The following CNTN5 variants were observed in gnomAD, a reference collection of about 807,000 sequenced individuals.
The protein encoded by CNTN5 is contactin-5.
In CNTN5, 77 loss-of-function variants were observed where a neutral mutation model predicts 129.1. That is an observed-to-expected ratio of 0.60 (90% CI 0.50 to 0.72). CNTN5 has a LOEUF of 0.72. CNTN5 is among the 30% of genes least tolerant of loss of function. The pLI is 0.00. For missense variants in CNTN5, 1,478 were observed against 1,328.8 expected (o/e 1.11, Z -1.75); for synonymous variants, 509 against 465.6 (o/e 1.09, Z -1.20).
At chr11:99,377,089 C>T (rs143251586) in intron 2 of CNTN5, among the ~76,000 whole-genome samples, 53 of 151,978 alleles carry the variant, frequency 3.5e-4, no homozygotes, top group African/African-American at 1.2e-3. Flanking sequence ...TGTCAGGAAG[C>T]GGGTCAATTA....
Position 99,392,979 on chromosome 11 carries a change from G to C in CNTN5, c.-71+67495G>C, listed in dbSNP as rs370149027. On this transcript the variant is annotated intron_variant, in intron 2 of 24. Transcript: ENST00000524871. ...ATAGCATGTGGAAATAATGGTATAAGGATGAGTAAGATTGTCTATTGGAGA... is the reference window on the plus strand; with the variant it reads ...ATAGCATGTGGAAATAATGGTATAACGATGAGTAAGATTGTCTATTGGAGA... Among the ~76,000 whole-genome samples, 7 of 151,888 alleles carry C rather than the reference G, an allele frequency of 4.6e-5. No individual in the cohort carries two copies. The East Asian group carries it at 1.2e-3, about 25-fold the overall frequency.
In CNTN5 at chr11:99,936,847, T is replaced by A. The variant is rs1950326666; in HGVS notation, c.674-19959T>A. 2.0e-5 allele frequency among the ~76,000 whole-genome samples: 3 copies of A among 152,120 alleles called. No homozygotes were observed. In the South Asian group the frequency reaches 6.2e-4, roughly 32 times the overall value. ...TAACAACAGGCAAGGCAGGGATATG[T>A]TATAAGAGTTAAATGTAAGGTTCCT... On this transcript the variant is annotated intron_variant, in intron 7 of 24. Coordinates refer to ENST00000524871, the MANE Select transcript of CNTN5 (RefSeq NM_014361.4).
intron 8 of CNTN5, among the ~76,000 whole-genome samples, chr11:99,968,088 C>A (rs1472677119): frequency 3.3e-5 from 5 of 152,212 alleles, no homozygotes; most frequent in African/African-American, 1.2e-4. Context: ...TGTACACAAC[C>A]AGGCTTCTCA....
Position 99,406,399 on chromosome 11 carries a change from G to GTCTCTCTCCCTC in CNTN5, c.-71+80923_-71+80924insCCTCTCTCTCTC, listed in dbSNP as rs142661903. Among the ~76,000 whole-genome samples the GTCTCTCTCCCTC allele has an allele frequency of 6.0e-5, 9 of 150,150 alleles. No homozygotes were observed. In the East Asian group the frequency reaches 1.4e-3, roughly 23 times the overall value. ...TTTCCCATACTTTGTCCCAAACAGA[G>GTCTCTCTCCCTC]TCTCTCTCTCTCTCTCTCTGTTCTG... On this transcript the variant is annotated intron_variant, in intron 2 of 24. Coordinates refer to ENST00000524871, the MANE Select transcript of CNTN5 (RefSeq NM_014361.4).
chr11:100,291,479 A>G (rs1195824730), intron 18 of CNTN5, among the ~76,000 whole-genome samples: 4 of 144,966 alleles, frequency 2.8e-5, no homozygotes, highest in African/African-American at 1.0e-4. Flanking sequence ...GAAATTGGAA[A>G]TCATCATTCT....
chr11:100,289,811 A>ATT (rs1365719951), intron 18 of CNTN5, among the ~76,000 whole-genome samples: 33 of 150,572 alleles, frequency 2.2e-4, no homozygotes, highest in Admixed American at 6.6e-4. Flanking sequence ...GAAAAGAGGA[A>ATT]GTCAAATTGT....
intron 2 of CNTN5, among the ~76,000 whole-genome samples, chr11:99,430,390 TAC>T (rs1366588349): frequency 2.0e-5 from 2 of 97,750 alleles, no homozygotes; most frequent in Non-Finnish European, 4.9e-5. Context: ...TGTGTGTATA[TAC>T]ATATACATAT....
chr11:99,982,417 G>T (rs1281328354), intron 8 of CNTN5, among the ~76,000 whole-genome samples: 1 of 152,082 alleles, frequency 6.6e-6, no homozygotes, highest in African/African-American at 2.4e-5. Context: ...AAGACAGCTG[G>T]CAGGAGGCTG....
At position 99,750,230 on chromosome 11, in the gene CNTN5, A is replaced by G. The variant is rs191152340; in HGVS notation, c.56-69314A>G. On this transcript the variant is annotated intron_variant, in intron 3 of 24. Transcript: ENST00000524871. ...TATACCTTGAGATGTTTTTCTCTCT[A>G]TATTTCATGTCTTTTCATCACAAAA... is the stretch of plus-strand genomic sequence containing the variant. 4.0e-3 allele frequency among the ~76,000 whole-genome samples: 604 copies of G among 152,286 alleles called. 6 individuals carry two copies. The highest frequency in any genetic ancestry group is 0.014 in the African/African-American group (585 of 41,572).
intron 2 of CNTN5, among the ~76,000 whole-genome samples, chr11:99,516,082 G>T (rs1409138412): frequency 6.6e-6 from 1 of 151,680 alleles, no homozygotes; most frequent in Non-Finnish European, 1.5e-5. Flanking sequence ...TTGATCAATT[G>T]CTCGGCTATA....
At chr11:99,788,762 C>T (rs1945628547) in intron 3 of CNTN5, among the ~76,000 whole-genome samples, 2 of 151,880 alleles carry the variant, frequency 1.3e-5, no homozygotes, top group African/African-American at 2.4e-5. Context: ...GATTAAATTT[C>T]TCCTCACTAG....
chr11:99,706,899 A>C (rs1954780340), intron 3 of CNTN5, among the ~76,000 whole-genome samples: 1 of 150,638 alleles, frequency 6.6e-6, no homozygotes, highest in Admixed American at 6.7e-5. Context: ...TAGTGTAATC[A>C]GAGTAGTTTG....
intron 6 of CNTN5, among the ~76,000 whole-genome samples, chr11:99,902,550 C>A (rs1248504460): frequency 6.6e-6 from 1 of 152,110 alleles, no homozygotes; most frequent in African/African-American, 2.4e-5. Flanking sequence ...TTTTCTTACA[C>A]TTCAGTGCAA....
At chr11:99,996,081 T>A (rs1939425635) in intron 8 of CNTN5, among the ~76,000 whole-genome samples, 1 of 152,212 alleles carries the variant, frequency 6.6e-6, no homozygotes, top group African/African-American at 2.4e-5. Flanking sequence ...TTTTTTCTTT[T>A]ACTGACATTG....
Position 99,455,032 on chromosome 11 carries a change from G to A in CNTN5, c.-70-101113G>A, listed in dbSNP as rs116117132. On this transcript the variant is annotated intron_variant, in intron 2 of 24. Coordinates refer to ENST00000524871, the MANE Select transcript of CNTN5 (RefSeq NM_014361.4). Reference sequence around the variant, plus strand: ...GAATCTAAACCTTGGCAAGGGATGAGTGGTTTTTCTTAACCTGAGACCTCA... The same window carrying A: ...GAATCTAAACCTTGGCAAGGGATGAATGGTTTTTCTTAACCTGAGACCTCA... Among the ~76,000 whole-genome samples, 1,187 of 152,030 alleles carry A rather than the reference G, an allele frequency of 7.8e-3. 21 individuals carry two copies. The highest frequency in any genetic ancestry group is 0.027 in the African/African-American group (1,108 of 41,316).
intron 1 of CNTN5, among the ~76,000 whole-genome samples, chr11:99,197,603 C>T (rs535396214): frequency 8.5e-5 from 13 of 152,148 alleles, no homozygotes; most frequent in African/African-American, 2.2e-4. Flanking sequence ...AAAAAAGATG[C>T]AGATCCCTCA....
intron 2 of CNTN5, among the ~76,000 whole-genome samples, chr11:99,421,564 T>A (rs1398377527): frequency 6.6e-6 from 1 of 152,222 alleles, no homozygotes; most frequent in African/African-American, 2.4e-5. Context: ...ATGGGCTTTA[T>A]GTAGCATGAC....
intron 9 of CNTN5, among the ~76,000 whole-genome samples, chr11:100,034,864 T>G (rs117845537): frequency 1.3e-3 from 197 of 152,176 alleles, no homozygotes; most frequent in Non-Finnish European, 2.4e-3. Flanking sequence ...ATGTCCAGGT[T>G]GATTTTTGTA....
chr11:99,441,332 T>C (rs2135149024), intron 2 of CNTN5, among the ~76,000 whole-genome samples: 1 of 152,322 alleles, frequency 6.6e-6, no homozygotes, highest in South Asian at 2.1e-4. Flanking sequence ...CTTTTAATCT[T>C]AACTACTTTA....
Sources: gnomAD v4.1 joint callset for allele counts (sites outside exome capture counted in the v4.1 genomes callset) on GRCh38, gnomAD v4.1.1 for gene constraint, MANE v1.5 for transcripts, NCBI Gene and HGNC (gene_info 2026-07-23, HGNC 2026-07-21) for gene names.